Variants in KIAA1671 observed in about 807,000 individuals in gnomAD.
KIAA1671 encodes the protein KIAA1671.
Under a neutral mutation model 131.2 loss-of-function variants are expected in KIAA1671, and 52 were observed. The ratio of observed to expected loss-of-function variants is 0.40; its 90% confidence interval spans 0.32 to 0.50. The LOEUF (loss-of-function observed/expected upper bound fraction) is 0.50, where lower values mean the gene tolerates loss of function less well. Among genes scored for constraint, KIAA1671 ranks in the 20% least tolerant of loss-of-function variants. The pLI, the probability that KIAA1671 is intolerant of heterozygous loss-of-function variation, is 0.73. For synonymous variants in KIAA1671, 1,003 were observed against 961.6 expected (o/e 1.04, Z -0.80); for missense variants, 2,360 against 2,364.2 (o/e 1.00, Z 0.04).
intron 6 of KIAA1671, among the ~76,000 whole-genome samples, chr22:25,135,534 C>T (rs572315805): frequency 6.6e-6 from 1 of 152,260 alleles, no homozygotes; most frequent in South Asian, 2.1e-4. Flanking sequence ...GCTGTTTGTT[C>T]TTCCCTCTGT....
intron 6 of KIAA1671, among the ~76,000 whole-genome samples, chr22:25,118,985 CA>C (rs2083673318): frequency 6.6e-6 from 1 of 152,190 alleles, no homozygotes; most frequent in African/African-American, 2.4e-5. Flanking sequence ...ACCCATCCTA[CA>C]TTTCTTCCTG....
At chr22:25,019,167 T>G (rs1925522124) in intron 1 of KIAA1671, among the ~76,000 whole-genome samples, 1 of 151,898 alleles carries the variant, frequency 6.6e-6, no homozygotes. Flanking sequence ...AGCAGTTGTT[T>G]TAGTTAAGCC....
chr22:25,119,996 T>C (rs1931855990), intron 6 of KIAA1671, among the ~76,000 whole-genome samples: 1 of 152,208 alleles, frequency 6.6e-6, no homozygotes, highest in African/African-American at 2.4e-5. Flanking sequence ...TGTGCCTCTG[T>C]GTGGAGTGTT....
intron 6 of KIAA1671, among the ~76,000 whole-genome samples, chr22:25,098,240 C>T (rs531991838): frequency 6.6e-6 from 1 of 152,238 alleles, no homozygotes; most frequent in South Asian, 2.1e-4. Context: ...AGAAATTGGC[C>T]AGAGAAAGGG....
At chr22:25,068,715 C>G (rs780610158) in intron 6 of KIAA1671, among the ~76,000 whole-genome samples, 1 of 152,176 alleles carries the variant, frequency 6.6e-6, no homozygotes, top group Non-Finnish European at 1.5e-5. Context: ...GGATTACAGG[C>G]GTGAGCCACC....
intron 6 of KIAA1671, among the ~76,000 whole-genome samples, chr22:25,127,217 G>T (rs1240686229): frequency 6.6e-6 from 1 of 152,222 alleles, no homozygotes; most frequent in Non-Finnish European, 1.5e-5. Context: ...ACTGGTAGGT[G>T]CTCAGTAGCT....
chr22:25,170,704 G>C, intron 6 of KIAA1671, 116 bp from the exon 7 acceptor site: 1 of 943,184 alleles, frequency 1.1e-6, no homozygotes, highest in South Asian at 1.5e-5. Flanking sequence ...GGAAGGCAGC[G>C]GGTTGCTGGG....
At chr22:25,114,311 A>G (rs1931545209) in intron 6 of KIAA1671, among the ~76,000 whole-genome samples, 1 of 152,140 alleles carries the variant, frequency 6.6e-6, no homozygotes, top group South Asian at 2.1e-4. Context: ...CCTGTGTCCA[A>G]TGAGGAGAAC....
chr22:25,137,985 CCTGCAGTAGATT>C (rs1932746853), intron 6 of KIAA1671, among the ~76,000 whole-genome samples: 1 of 152,182 alleles, frequency 6.6e-6, no homozygotes, highest in Admixed American at 6.5e-5. Context: ...GAATGGCTGT[CCTGCAGTAGATT>C]CTCAGTGTAC....
At chr22:25,178,370 C>A (rs987280942) in intron 9 of KIAA1671, among the ~76,000 whole-genome samples, 1 of 152,174 alleles carries the variant, frequency 6.6e-6, no homozygotes, top group Non-Finnish European at 1.5e-5. Context: ...CTGTGGGCAG[C>A]GGTCCCACAA....
At chr22:25,031,237 C>T (rs1285642461) in intron 3 of KIAA1671, among the ~76,000 whole-genome samples, 7 of 147,410 alleles carry the variant, frequency 4.7e-5, no homozygotes, top group East Asian at 2.0e-4. Flanking sequence ...CTCGCTCTGC[C>T]GCTGAGGCCA....
At position 25,197,164 on chromosome 22, in the gene KIAA1671, T is replaced by C. The variant is rs961181875; in HGVS notation, c.*4763T>C. The C allele has an allele frequency of 1.1e-4, 17 of 152,146 alleles. No homozygotes were observed. Among genetic ancestry groups the C allele is most frequent in the African/African-American group, 4.1e-4 (17 of 41,412 alleles). The allele number at this position is 152,146 out of a possible 1,614,324, so 9.4% of individuals were successfully genotyped here. A position where few individuals can be genotyped will look rare whatever the true frequency, so the allele number is the denominator to read the frequency against. On this transcript the variant is annotated 3_prime_UTR_variant, in exon 13 of 13. Coordinates refer to ENST00000358431, the MANE Select transcript of KIAA1671 (RefSeq NM_001145206.2). ...GAACGGAAGGCAGACGAGAGGCACT[T>C]TATCCAGTCCCAGAAAGAATCTCTA...
rs970971940 is a variant in KIAA1671 at position 25,039,783 on chromosome 22, G to T, written c.2653G>T (p.Asp885Tyr). The change falls in exon 5 of 13, where the codon GAT becomes TAT. Residue 885 changes from aspartate to tyrosine, a missense_variant. Asp to Tyr is a radical substitution (Grantham distance 160). Transcript: ENST00000358431. ...GGGCCCACCCCAGGGATGCCCCCTC[G>T]ATCCTCTTTCCAGGGCTACGAATGG... The part of the protein sequence containing the change: ...ARGPPQGCPL[D>Y]PLSRATNGPS... 9 of 1,505,818 alleles carry T rather than the reference G, an allele frequency of 6.0e-6. No individual in the cohort carries two copies. In the African/African-American group the frequency reaches 7.0e-5, roughly 12 times the overall value. The allele number at this position is 1,505,818 out of a possible 1,614,324, so 93.3% of individuals were successfully genotyped here. A position where few individuals can be genotyped will look rare whatever the true frequency, so the allele number is the denominator to read the frequency against.
chr22:25,157,908 AC>A (rs1007340732), intron 6 of KIAA1671, among the ~76,000 whole-genome samples: 6 of 149,812 alleles, frequency 4.0e-5, no homozygotes, highest in African/African-American at 1.5e-4. Flanking sequence ...TGCAACCTCC[AC>A]CTCCCAGGTT....
intron 1 of KIAA1671, among the ~76,000 whole-genome samples, chr22:24,970,753 T>A (rs1315916115): frequency 1.3e-4 from 17 of 130,824 alleles, no homozygotes; most frequent in East Asian, 1.1e-3. Flanking sequence ...AAAACAAAAC[T>A]CATAACATTT....
At chr22:25,188,291 A>C (rs1274470418) in intron 11 of KIAA1671, among the ~76,000 whole-genome samples, 1 of 137,438 alleles carries the variant, frequency 7.3e-6, no homozygotes, top group Non-Finnish European at 1.6e-5. Context: ...ACAGAGAGAG[A>C]CTCCGTCTCA....
At chr22:25,170,364 A>G (rs1933804586) in intron 6 of KIAA1671, among the ~76,000 whole-genome samples, 1 of 152,220 alleles carries the variant, frequency 6.6e-6, no homozygotes, top group Non-Finnish European at 1.5e-5. Context: ...TCGGTGCTCC[A>G]TGGATGTTCT....
At chr22:25,188,922 C>T (rs1934567510) in intron 11 of KIAA1671, among the ~76,000 whole-genome samples, 1 of 152,018 alleles carries the variant, frequency 6.6e-6, no homozygotes, top group Non-Finnish European at 1.5e-5. Flanking sequence ...CAAGGGTCAG[C>T]TGTATATACA....
At chr22:25,019,021 G>A (rs5760800) in intron 1 of KIAA1671, among the ~76,000 whole-genome samples, 94,806 of 151,410 alleles carry the variant, frequency 0.63, 29,975 homozygotes, top group African/African-American at 0.73. Context: ...TAAGGTTCCA[G>A]TGTCTTCACA....
Sources: allele counts gnomAD v4.1 joint callset (sites outside exome capture counted in the v4.1 genomes callset), GRCh38; gene constraint gnomAD v4.1.1; transcripts MANE v1.5; gene names NCBI Gene and HGNC (gene_info 2026-07-23, HGNC 2026-07-21).